The following CORIN variants were observed in gnomAD, a reference collection of about 807,000 sequenced individuals.
CORIN encodes the protein corin, serine peptidase, also known as atrial natriuretic peptide-converting enzyme.
CORIN carries 117 observed loss-of-function variants against 125.3 expected under a neutral mutation model. The observed-to-expected ratio is 0.93, with a 90% CI of 0.80 to 1.09. The LOEUF is 1.09. CORIN is among the 50% of genes least tolerant of loss of function. The pLI is 0.00. For missense variants in CORIN, 1,253 were observed against 1,306.7 expected, an observed-to-expected ratio of 0.96 and a Z score of 0.63; for synonymous variants, 450 against 466.4, an observed-to-expected ratio of 0.96 and a Z score of 0.45.
At chr4:47,619,369 G>A (rs1722210620) in intron 19 of CORIN, among the ~76,000 whole-genome samples, 1 of 152,188 alleles carries the variant, frequency 6.6e-6, no homozygotes, top group Non-Finnish European at 1.5e-5. Flanking sequence ...ATGGGATCAG[G>A]ATATGAAGTA....
intron 5 of CORIN, among the ~76,000 whole-genome samples, chr4:47,717,693 G>A (rs1317762338): frequency 6.6e-6 from 1 of 152,126 alleles, no homozygotes; most frequent in African/African-American, 2.4e-5. Context: ...AATTTCTCAA[G>A]TATTTTAGTC....
chr4:47,626,822 T>G (rs1722588989), intron 16 of CORIN, among the ~76,000 whole-genome samples: 1 of 152,182 alleles, frequency 6.6e-6, no homozygotes, highest in African/African-American at 2.4e-5. Flanking sequence ...TCTAGCTAGG[T>G]TTTTTTCCTC....
chr4:47,779,163 C>T (rs1730422724), intron 3 of CORIN, among the ~76,000 whole-genome samples: 3 of 152,214 alleles, frequency 2.0e-5, no homozygotes, highest in Non-Finnish European at 4.4e-5. Context: ...ATGCTCATCC[C>T]TATTATAAAA....
At chr4:47,824,529 C>T (rs530188183) in intron 1 of CORIN, among the ~76,000 whole-genome samples, 11 of 152,132 alleles carry the variant, frequency 7.2e-5, no homozygotes, top group African/African-American at 2.6e-4. Context: ...AGTATGTTGC[C>T]CAGGCTGGTC....
chr4:47,744,732 C>T (rs1165750312), intron 4 of CORIN, 149 bp from the exon 5 acceptor site: 9 of 645,348 alleles, frequency 1.4e-5, no homozygotes, highest in South Asian at 3.0e-5. Context: ...ACATTCAGTC[C>T]TATGACAGTG....
chr4:47,694,773 T>G (rs1216714087), intron 5 of CORIN, among the ~76,000 whole-genome samples: 1 of 152,156 alleles, frequency 6.6e-6, no homozygotes, highest in East Asian at 1.9e-4. Context: ...ACCCAGCCAG[T>G]GGCTGGCACT....
intron 1 of CORIN, among the ~76,000 whole-genome samples, chr4:47,807,711 G>A (rs1256418157): frequency 6.6e-6 from 1 of 152,068 alleles, no homozygotes; most frequent in Non-Finnish European, 1.5e-5. Context: ...CAACAACGAC[G>A]GTTCAGATAA....
At chr4:47,612,692 TC>T (rs1721917809) in intron 19 of CORIN, among the ~76,000 whole-genome samples, 2 of 152,088 alleles carry the variant, frequency 1.3e-5, no homozygotes, top group African/African-American at 4.8e-5. Context: ...CTACACCACA[TC>T]CTTACAACTA....
At chr4:47,732,512 T>C (rs1342481885) in intron 5 of CORIN, among the ~76,000 whole-genome samples, 1 of 151,732 alleles carries the variant, frequency 6.6e-6, no homozygotes, top group Non-Finnish European at 1.5e-5. Context: ...TCCCAGATTT[T>C]CCCATGGGAT....
intron 2 of CORIN, among the ~76,000 whole-genome samples, chr4:47,793,754 TA>T (rs1731175325): frequency 6.6e-6 from 1 of 152,142 alleles, no homozygotes; most frequent in Non-Finnish European, 1.5e-5. Flanking sequence ...TAAGTACAGA[TA>T]TAGGAGTATG....
intron 10 of CORIN, among the ~76,000 whole-genome samples, chr4:47,669,120 G>A (rs61760493): frequency 2.6e-5 from 4 of 151,872 alleles, no homozygotes; most frequent in East Asian, 3.9e-4. Context: ...ACAGTGTCCC[G>A]AACACAGATG....
At chr4:47,831,771 A>C (rs1866689) in intron 1 of CORIN, among the ~76,000 whole-genome samples, 51,728 of 151,746 alleles carry the variant, frequency 0.34, 9,227 homozygotes, top group East Asian at 0.59. Context: ...AGAACCTCAA[A>C]ATGTGTCCTT....
At chr4:47,642,991 T>C in intron 15 of CORIN, 155 bp downstream of exon 15, 1 of 1,538,034 alleles carries the variant, frequency 6.5e-7, no homozygotes, top group Non-Finnish European at 8.7e-7. Flanking sequence ...GAGTTGGAAA[T>C]AACACACATA....
chr4:47,765,213 A>C (rs1729664679), intron 3 of CORIN, among the ~76,000 whole-genome samples: 1 of 151,696 alleles, frequency 6.6e-6, no homozygotes, highest in Non-Finnish European at 1.5e-5. Flanking sequence ...CGGGAGGCTG[A>C]GGCAGGAGAA....
At position 47,657,790 on chromosome 4, in the gene CORIN, G is replaced by A. The variant is rs572011279; in HGVS notation, c.1735+3921C>T. Reference sequence around the variant, plus strand: ...GATCTCCTGTGAACTCAGAGTGAGAGATGGTTCAAGCCATTTATGAAGGAT... The same window carrying A: ...GATCTCCTGTGAACTCAGAGTGAGAAATGGTTCAAGCCATTTATGAAGGAT... On this transcript the variant is annotated intron_variant, in intron 12 of 21. Coordinates refer to ENST00000273857, the MANE Select transcript of CORIN (RefSeq NM_006587.4). 1.1e-4 allele frequency among the ~76,000 whole-genome samples: 17 copies of A among 152,102 alleles called. No homozygotes were observed. The South Asian group carries it at 3.5e-3, about 32-fold the overall frequency.
chr4:47,828,188 G>A (rs993900816), intron 1 of CORIN, among the ~76,000 whole-genome samples: 3 of 152,084 alleles, frequency 2.0e-5, no homozygotes, highest in Non-Finnish European at 2.9e-5. Flanking sequence ...TCCTGACACA[G>A]GACTCCTTAA....
chr4:47,815,372 A>T (rs1732222497), intron 1 of CORIN, among the ~76,000 whole-genome samples: 1 of 152,178 alleles, frequency 6.6e-6, no homozygotes, highest in Admixed American at 6.5e-5. Flanking sequence ...GAAAGTTATT[A>T]TCTTTATTTA....
chr4:47,631,129 G>A (rs984070907), intron 16 of CORIN, among the ~76,000 whole-genome samples: 1 of 150,406 alleles, frequency 6.6e-6, no homozygotes, highest in African/African-American at 2.4e-5. Context: ...ACTGCAGGAT[G>A]TTTTGTAACA....
chr4:47,705,408 C>T (rs1266172909), intron 5 of CORIN, among the ~76,000 whole-genome samples: 2 of 152,172 alleles, frequency 1.3e-5, no homozygotes, highest in Non-Finnish European at 2.9e-5. Flanking sequence ...CTGAAGGACC[C>T]AGAAGAGTGA....
Sources: gnomAD v4.1 joint callset for allele counts (sites outside exome capture counted in the v4.1 genomes callset) on GRCh38, gnomAD v4.1.1 for gene constraint, MANE v1.5 for transcripts, NCBI Gene and HGNC (gene_info 2026-07-23, HGNC 2026-07-21) for gene names.